Variants in FBXL13 observed in about 807,000 individuals in gnomAD.
The protein encoded by FBXL13 is F-box and leucine-rich repeat protein 13.
In FBXL13, 67 loss-of-function variants were observed where a neutral mutation model predicts 83.6. That is an observed-to-expected ratio of 0.80 (90% CI 0.66 to 0.98). The LOEUF (loss-of-function observed/expected upper bound fraction) is 0.98. FBXL13 is among the 50% of genes least tolerant of loss of function. The pLI is 0.00. For missense variants in FBXL13, 822 were observed against 866.5 expected (o/e 0.95, Z 0.64); for synonymous variants, 272 against 299.5 (o/e 0.91, Z 0.95).
At chr7:102,889,141 A>G (rs1811188665) in intron 11 of FBXL13, among the ~76,000 whole-genome samples, 1 of 152,208 alleles carries the variant, frequency 6.6e-6, no homozygotes, top group Non-Finnish European at 1.5e-5. Context: ...TTGAGAACTC[A>G]TTGTGGTGCA....
intron 10 of FBXL13, among the ~76,000 whole-genome samples, chr7:102,914,091 C>T (rs1387725887): frequency 6.6e-6 from 1 of 152,182 alleles, no homozygotes; most frequent in African/African-American, 2.4e-5. Context: ...GACGAAGTTT[C>T]GCTCTTGTTG....
chr7:102,841,679 G>A (rs1255221789), intron 17 of FBXL13, among the ~76,000 whole-genome samples: 2 of 152,238 alleles, frequency 1.3e-5, no homozygotes, highest in Non-Finnish European at 2.9e-5. Flanking sequence ...ACACACTAGT[G>A]TCAGGAGCCA....
intron 16 of FBXL13, among the ~76,000 whole-genome samples, chr7:102,866,277 G>A (rs6949150): frequency 0.19 from 28,894 of 151,974 alleles, 3,011 homozygotes; most frequent in East Asian, 0.43. Flanking sequence ...CAAGTTGGTC[G>A]CTTCTGTTTG....
Position 102,822,246 on chromosome 7 carries a change from T to C in FBXL13, c.1855-43A>G, listed in dbSNP as rs1165273075. Reference sequence around the variant, plus strand: ...GTAAGTACTGGTTATTCAAACACTATCTCAGGGAAGAACAGTGCCTTAGTC... The same window carrying C: ...GTAAGTACTGGTTATTCAAACACTACCTCAGGGAAGAACAGTGCCTTAGTC... On this transcript the variant is annotated intron_variant, in intron 18 of 19. Coordinates refer to ENST00000313221, the Ensembl canonical transcript of FBXL13. The C allele has an allele frequency of 8.8e-6, 14 of 1,592,206 alleles. No homozygotes were observed. In the African/African-American group the frequency reaches 1.5e-4, roughly 17 times the overall value.
At chr7:102,978,310 A>G (rs1827772216) in intron 6 of FBXL13, 1 of 152,180 alleles carries the variant, frequency 6.6e-6, no homozygotes, top group Non-Finnish European at 1.5e-5. Flanking sequence ...TCTATAACCA[A>G]ATAGAAAGGA....
chr7:102,813,505 T>A (rs1197958531), exon 20 of FBXL13: 9 of 1,613,896 alleles, frequency 5.6e-6, no homozygotes, highest in Admixed American at 1.7e-5. Context: ...CTGCTGAACT[T>A]TAGATGACAT....
At position 102,884,549 on chromosome 7, in the gene FBXL13, T is replaced by C. The variant is rs904767419; in HGVS notation, c.1009-237A>G. The stretch of plus-strand genomic sequence containing the variant: ...CATGTAAGCCAGATGCAGCAGTGCA[T>C]GCCTGTAGTCTCAGCAACTTGGGAG... On this transcript the variant is annotated intron_variant, in intron 11 of 19. Coordinates refer to ENST00000313221, the Ensembl canonical transcript of FBXL13. Among the ~76,000 whole-genome samples the C allele has an allele frequency of 5.9e-5, 9 of 152,254 alleles. No individual in the cohort carries two copies. In the South Asian group the frequency reaches 8.3e-4, roughly 14 times the overall value.
chr7:102,915,586 T>G (rs1042964009), intron 10 of FBXL13, among the ~76,000 whole-genome samples: 31 of 152,216 alleles, frequency 2.0e-4, no homozygotes, highest in Non-Finnish European at 4.0e-4. Context: ...TGCTTAACTT[T>G]TTTTAATGTC....
intron 14 of FBXL13, among the ~76,000 whole-genome samples, chr7:102,882,680 T>C (rs1810260559): frequency 6.6e-6 from 1 of 152,066 alleles, no homozygotes. Context: ...GAGAATCACT[T>C]GAGCATGGGA....
chr7:102,977,709 CAAT>C (rs1168421184), intron 6 of FBXL13, among the ~76,000 whole-genome samples: 14 of 152,124 alleles, frequency 9.2e-5, no homozygotes, highest in Non-Finnish European at 1.5e-5. Context: ...AAATGTCCAA[CAAT>C]GATAGACTGG....
intron 16 of FBXL13, among the ~76,000 whole-genome samples, chr7:102,867,668 C>CATATAT (rs200661242): frequency 1.4e-3 from 99 of 72,634 alleles, no homozygotes; most frequent in East Asian, 4.2e-3. Context: ...TAGACTTAGA[C>CATATAT]ATATATATAT....
chr7:102,860,584 G>T (rs937488231), intron 16 of FBXL13, among the ~76,000 whole-genome samples: 1 of 151,990 alleles, frequency 6.6e-6, no homozygotes, highest in Non-Finnish European at 1.5e-5. Context: ...ACAAATCCTT[G>T]AACACTACAC....
chr7:102,864,347 CCA>C (rs141005340), intron 16 of FBXL13, among the ~76,000 whole-genome samples: 1,662 of 152,176 alleles, frequency 0.011, 35 homozygotes, highest in African/African-American at 0.038. Context: ...CTTGACTCCT[CCA>C]CAGAGACAAC....
intron 11 of FBXL13, among the ~76,000 whole-genome samples, chr7:102,885,687 A>G (rs1484733997): frequency 1.3e-5 from 2 of 152,162 alleles, no homozygotes; most frequent in Non-Finnish European, 2.9e-5. Flanking sequence ...TTAAGAATGT[A>G]TTGCCAAATC....
At position 102,979,311 on chromosome 7, in the gene FBXL13, G is replaced by T. The variant is rs566351860; in HGVS notation, c.496-11194C>A. On this transcript the variant is annotated intron_variant, in intron 6 of 19. Transcript: ENST00000313221. ...TGTCTAGGTCATAAAAGCTGGAGAT[G>T]CTAGGGCTTACCTGGCCCTTGGAGA... Among the ~76,000 whole-genome samples the T allele has an allele frequency of 8.5e-5, 13 of 152,330 alleles. No homozygotes were observed. The East Asian group carries it at 2.5e-3, about 29-fold the overall frequency.
intron 6 of FBXL13, among the ~76,000 whole-genome samples, chr7:102,989,576 C>A (rs947717798): frequency 1.3e-5 from 2 of 152,202 alleles, no homozygotes; most frequent in Non-Finnish European, 2.9e-5. Flanking sequence ...GACCTGAATG[C>A]AAGATGCATG....
intron 2 of FBXL13, among the ~76,000 whole-genome samples, chr7:103,034,446 T>G (rs1309746519): frequency 6.6e-6 from 1 of 152,174 alleles, no homozygotes; most frequent in African/African-American, 2.4e-5. Context: ...CTGGCCCAGG[T>G]GCTAAGCCCC....
intron 4 of FBXL13, 115 bp from the exon 6 acceptor site, chr7:103,027,673 TTTG>T (rs1794088950): frequency 1.6e-6 from 1 of 618,576 alleles, no homozygotes; most frequent in Non-Finnish European, 2.6e-6. Flanking sequence ...TCTGATCGTT[TTTG>T]TTTGGTCTTA....
downstream of FBXL13, among the ~76,000 whole-genome samples, chr7:102,811,911 G>A (rs1042155244): frequency 3.3e-5 from 5 of 152,180 alleles, no homozygotes; most frequent in African/African-American, 1.2e-4. Flanking sequence ...GTCAACCTCA[G>A]TGGGGGAGAA....
Sources: gnomAD v4.1 joint callset for allele counts (sites outside exome capture counted in the v4.1 genomes callset) on GRCh38, gnomAD v4.1.1 for gene constraint, MANE v1.5 for transcripts, NCBI Gene and HGNC (gene_info 2026-07-23, HGNC 2026-07-21) for gene names.